The following UBE2D1 variants were observed in gnomAD, a reference collection of about 807,000 sequenced individuals.
UBE2D1 encodes ubiquitin conjugating enzyme E2 D1.
UBE2D1 carries 9 observed loss-of-function variants against 24.6 expected under a neutral mutation model. The ratio of observed to expected loss-of-function variants is 0.37; its 90% CI spans 0.22 to 0.64. The LOEUF (loss-of-function observed/expected upper bound fraction) is 0.64, where lower values mean the gene tolerates loss of function less well. Ranked by LOEUF, UBE2D1 falls within the 30% of genes least tolerant of loss-of-function variation. The pLI is 0.64. For synonymous variants in UBE2D1, 57 were observed against 57.6 expected (o/e 0.99, Z 0.04); for missense variants, 87 against 177.1 (o/e 0.49, Z 2.89).
chr10:58,335,046 G>T lies in UBE2D1; in HGVS notation c.-156G>T. 1 of 743,638 alleles carries T rather than the reference G, an allele frequency of 1.3e-6. No homozygotes were observed. The highest frequency in any genetic ancestry group is 3.1e-5 in the East Asian group (1 of 32,544). 46.1% of individuals were successfully genotyped at this position (743,638 alleles called of 1,614,324 possible). On this transcript the variant is annotated 5_prime_UTR_variant, in exon 1 of 7. In the 5' UTR this introduces an upstream ATG that the reference lacks. Transcript: ENST00000373910. ...CTCGCGCTCGGGCGCACACGGAGCA[G>T]GGACCGGCGCCCGGAGCGAGCCAGG...
intron 1 of UBE2D1, among the ~76,000 whole-genome samples, chr10:58,360,104 G>A (rs1367559346): frequency 6.6e-6 from 1 of 152,074 alleles, no homozygotes; most frequent in Non-Finnish European, 1.5e-5. Flanking sequence ...CATCATTAAT[G>A]TGGTCTGTAT....
Position 58,357,472 on chromosome 10 carries a change from A to G in UBE2D1, c.25-3866A>G, listed in dbSNP as rs199831557. On this transcript the variant is annotated intron_variant, in intron 1 of 6. Transcript: ENST00000373910. Reference sequence around the variant, plus strand: ...AGTACACTGGCTGCTGCACAGACTAAGCAAAAAAAGTGGGGTTTTTGTTTG... The same window carrying G: ...AGTACACTGGCTGCTGCACAGACTAGGCAAAAAAAGTGGGGTTTTTGTTTG... Among the ~76,000 whole-genome samples, 30 of 152,304 alleles carry G rather than the reference A, an allele frequency of 2.0e-4. No homozygotes were observed. The East Asian group carries it at 5.6e-3, about 28-fold the overall frequency.
At chr10:58,340,862 T>C (rs183477991) in intron 1 of UBE2D1, among the ~76,000 whole-genome samples, 24 of 152,338 alleles carry the variant, frequency 1.6e-4, no homozygotes, top group African/African-American at 5.8e-4. Context: ...CATGAACTCG[T>C]ATCTATTGTA....
intron 1 of UBE2D1, chr10:58,360,810 G>T: frequency 2.9e-6 from 1 of 339,082 alleles, no homozygotes; most frequent in Non-Finnish European, 5.8e-6. Context: ...GCTACTCGGG[G>T]TAGGAGTGGG....
intron 1 of UBE2D1, among the ~76,000 whole-genome samples, chr10:58,356,270 G>C (rs12255735): frequency 0.046 from 7,028 of 152,144 alleles, 222 homozygotes; most frequent in East Asian, 0.14. Flanking sequence ...ACAATTTGTT[G>C]TGTATCCTTT....
chr10:58,335,752 G>A (rs974348984), intron 1 of UBE2D1, among the ~76,000 whole-genome samples: 1 of 152,228 alleles, frequency 6.6e-6, no homozygotes, highest in African/African-American at 2.4e-5. Context: ...TCAGTTGCCC[G>A]AATGGGCTGG....
chr10:58,360,030 C>T (rs1422895537), intron 1 of UBE2D1, among the ~76,000 whole-genome samples: 1 of 152,182 alleles, frequency 6.6e-6, no homozygotes, highest in African/African-American at 2.4e-5. Flanking sequence ...TCCATTAAAT[C>T]AGAACATGCC....
intron 5 of UBE2D1, among the ~76,000 whole-genome samples, chr10:58,366,493 G>A (rs539736105): frequency 2.3e-4 from 35 of 152,240 alleles, no homozygotes; most frequent in Admixed American, 1.4e-3. Flanking sequence ...GGTGAGCAGA[G>A]GAGGAACTTC....
chr10:58,367,860 CAT>C (rs1355882865), intron 5 of UBE2D1, 61 bp from the exon 6 acceptor site: 4 of 1,101,310 alleles, frequency 3.6e-6, no homozygotes, highest in Non-Finnish European at 5.4e-6. Context: ...ATTATTTTCA[CAT>C]ATGTAATTTG....
intron 1 of UBE2D1, among the ~76,000 whole-genome samples, chr10:58,360,116 G>A (rs1406393024): frequency 6.6e-6 from 1 of 152,078 alleles, no homozygotes; most frequent in Non-Finnish European, 1.5e-5. Flanking sequence ...GGTCTGTATG[G>A]TTGTCTGTTT....
intron 1 of UBE2D1, 64 bp downstream of exon 1, chr10:58,335,289 A>G: frequency 4.1e-6 from 6 of 1,452,240 alleles, no homozygotes; most frequent in African/African-American, 1.5e-5. Context: ...TGACTCGGCC[A>G]GTGGTCCCGA....
At chr10:58,336,624 C>T (rs902885754) in intron 1 of UBE2D1, among the ~76,000 whole-genome samples, 6 of 152,212 alleles carry the variant, frequency 3.9e-5, no homozygotes, top group Non-Finnish European at 7.3e-5. Flanking sequence ...GAAGGTAGCG[C>T]AATTACACAT....
intron 1 of UBE2D1, among the ~76,000 whole-genome samples, chr10:58,343,462 A>G (rs1467657726): frequency 6.6e-6 from 1 of 152,170 alleles, no homozygotes; most frequent in Non-Finnish European, 1.5e-5. Flanking sequence ...AAAGCTGGAA[A>G]ATCACTGTTC....
At chr10:58,343,561 A>C (rs566611381) in intron 1 of UBE2D1, among the ~76,000 whole-genome samples, 2 of 152,328 alleles carry the variant, frequency 1.3e-5, no homozygotes, top group South Asian at 4.1e-4. Context: ...AGGGAGAGCA[A>C]ATGAATACAT....
At chr10:58,335,968 G>A (rs961687428) in intron 1 of UBE2D1, among the ~76,000 whole-genome samples, 5 of 152,172 alleles carry the variant, frequency 3.3e-5, no homozygotes, top group Non-Finnish European at 7.4e-5. Context: ...TAAAGTTCGA[G>A]ACACAACATA....
intron 1 of UBE2D1, among the ~76,000 whole-genome samples, chr10:58,348,877 A>C (rs191135222): frequency 2.0e-5 from 3 of 152,008 alleles, no homozygotes; most frequent in Admixed American, 6.5e-5. Context: ...TTATTTGTTT[A>C]CTTTGTTTGA....
At chr10:58,335,662 A>G (rs920088841) in intron 1 of UBE2D1, among the ~76,000 whole-genome samples, 13 of 152,252 alleles carry the variant, frequency 8.5e-5, no homozygotes, top group Admixed American at 7.8e-4. Flanking sequence ...CGGGAGGGCA[A>G]GGAAGGTGGG....
intron 1 of UBE2D1, among the ~76,000 whole-genome samples, chr10:58,355,301 G>A (rs921161688): frequency 1.3e-5 from 2 of 152,166 alleles, no homozygotes; most frequent in African/African-American, 2.4e-5. Flanking sequence ...TGTTCACTGG[G>A]GGAATTTGGT....
intron 1 of UBE2D1, 72 bp downstream of exon 1, chr10:58,335,297 CGA>C: frequency 7.0e-7 from 1 of 1,434,510 alleles, no homozygotes; most frequent in Non-Finnish European, 9.2e-7. Context: ...CCAGTGGTCC[CGA>C]GAGACATGCG....
Sources: gnomAD v4.1 joint callset for allele counts (sites outside exome capture counted in the v4.1 genomes callset) on GRCh38, gnomAD v4.1.1 for gene constraint, MANE v1.5 for transcripts, NCBI Gene and HGNC (gene_info 2026-07-23, HGNC 2026-07-21) for gene names.